Variants in SPECC1 observed in about 807,000 individuals in gnomAD.
The protein encoded by SPECC1 is sperm antigen with calponin homology and coiled-coil domains 1.
A neutral mutation model predicts 104.1 loss-of-function variants in SPECC1; 62 were observed. The observed-to-expected ratio is 0.60, with a 90% CI of 0.49 to 0.74. The LOEUF (loss-of-function observed/expected upper bound fraction) is 0.74. Among genes scored for constraint, SPECC1 ranks in the 30% least tolerant of loss-of-function variants. The probability of loss-of-function intolerance (pLI) is 0.00; values close to 1 mark genes in which losing one functional copy is unlikely to be tolerated. For synonymous variants in SPECC1, 513 were observed against 501.6 expected, an observed-to-expected ratio of 1.02 and a Z score of -0.30; for missense variants, 1,306 against 1,310.5, an observed-to-expected ratio of 1.00 and a Z score of 0.05.
At chr17:20,127,657 T>C (rs1473556803) in intron 3 of SPECC1, among the ~76,000 whole-genome samples, 2 of 152,244 alleles carry the variant, frequency 1.3e-5, no homozygotes, top group East Asian at 1.9e-4. Context: ...ATTTTTGCAT[T>C]ATCTGGGGTG....
intron 1 of SPECC1, among the ~76,000 whole-genome samples, chr17:20,091,783 T>C (rs1208757521): frequency 6.6e-6 from 1 of 152,212 alleles, no homozygotes; most frequent in Non-Finnish European, 1.5e-5. Context: ...GTGCTTATTG[T>C]GCTTGTAGCC....
chr17:20,162,968 C>T (rs151279839), intron 3 of SPECC1, among the ~76,000 whole-genome samples: 4,226 of 152,246 alleles, frequency 0.028, 187 homozygotes, highest in African/African-American at 0.095. Flanking sequence ...GCGGAGGTTG[C>T]GGTGAGCCAA....
chr17:20,311,380 T>TTGTTTG (rs201295866), intron 14 of SPECC1, among the ~76,000 whole-genome samples: 2 of 150,170 alleles, frequency 1.3e-5, no homozygotes, highest in Non-Finnish European at 3.0e-5. Context: ...TACATTTTTT[T>TTGTTTG]TTTGTTTTTG....
At chr17:20,147,106 G>A (rs1238776722) in intron 3 of SPECC1, among the ~76,000 whole-genome samples, 24 of 140,982 alleles carry the variant, frequency 1.7e-4, no homozygotes, top group Admixed American at 1.5e-3. Flanking sequence ...TTTTTGAGAC[G>A]GAGTTTCGCT....
chr17:20,057,986 G>A (rs1170834070), intron 1 of SPECC1, among the ~76,000 whole-genome samples: 1 of 152,070 alleles, frequency 6.6e-6, no homozygotes, highest in African/African-American at 2.4e-5. Flanking sequence ...AGTCAAACTC[G>A]TGGAGATTTA....
At chr17:20,070,659 G>A (rs2046514986) in intron 1 of SPECC1, among the ~76,000 whole-genome samples, 1 of 151,946 alleles carries the variant, frequency 6.6e-6, no homozygotes, top group Non-Finnish European at 1.5e-5. Context: ...TGCCATTGTT[G>A]TTGTTATAAT....
intron 12 of SPECC1, among the ~76,000 whole-genome samples, chr17:20,278,954 C>G (rs148770063): frequency 6.6e-6 from 1 of 152,186 alleles, no homozygotes; most frequent in East Asian, 1.9e-4. Context: ...GTCTTCTTTC[C>G]TCCCATGGGC....
At chr17:20,191,108 T>A (rs1468826142) in intron 3 of SPECC1, among the ~76,000 whole-genome samples, 1 of 152,202 alleles carries the variant, frequency 6.6e-6, no homozygotes, top group African/African-American at 2.4e-5. Context: ...GGGTGGATGA[T>A]ACTAATAGTC....
chr17:20,222,614 A>G (rs1598018761), intron 4 of SPECC1, among the ~76,000 whole-genome samples: 1 of 152,128 alleles, frequency 6.6e-6, no homozygotes, highest in African/African-American at 2.4e-5. Context: ...TGATAGATTC[A>G]TCTTTTAGTC....
intron 1 of SPECC1, among the ~76,000 whole-genome samples, chr17:20,039,422 T>C (rs2045230708): frequency 6.6e-6 from 1 of 152,204 alleles, no homozygotes; most frequent in African/African-American, 2.4e-5. Context: ...TTTATTCCTG[T>C]CTCTTGAAAT....
intron 1 of SPECC1, among the ~76,000 whole-genome samples, chr17:20,078,538 A>G (rs912694011): frequency 2.0e-5 from 3 of 152,216 alleles, no homozygotes; most frequent in Admixed American, 6.5e-5. Flanking sequence ...GTTCCAGCAT[A>G]GAGAGAATCA....
At chr17:20,039,554 A>T (rs979306374) in intron 1 of SPECC1, among the ~76,000 whole-genome samples, 8 of 152,082 alleles carry the variant, frequency 5.3e-5, no homozygotes, top group African/African-American at 1.9e-4. Context: ...TATTTAAAGC[A>T]GGTTTCTTTT....
At chr17:20,083,936 T>G (rs1343118098) in intron 1 of SPECC1, among the ~76,000 whole-genome samples, 1 of 152,226 alleles carries the variant, frequency 6.6e-6, no homozygotes, top group Non-Finnish European at 1.5e-5. Flanking sequence ...CTAGTAGGTG[T>G]GTAGTGATAG....
intron 1 of SPECC1, among the ~76,000 whole-genome samples, chr17:20,060,172 T>C (rs560506994): frequency 1.3e-5 from 2 of 152,346 alleles, no homozygotes; most frequent in Non-Finnish European, 2.9e-5. Context: ...CAGCTTTCAA[T>C]GACGCCTCTA....
chr17:20,155,841 G>C (rs996722076), intron 3 of SPECC1: 34 of 896,348 alleles, frequency 3.8e-5, no homozygotes, highest in Non-Finnish European at 4.4e-5. Context: ...CCCACGGCGC[G>C]GGGCCTTCTG....
chr17:20,257,886 G>GC (rs1282182397), intron 11 of SPECC1, among the ~76,000 whole-genome samples: 5 of 152,186 alleles, frequency 3.3e-5, no homozygotes, highest in Admixed American at 3.3e-4. Flanking sequence ...TGGTGTTTCT[G>GC]CCAAGGGCTC....
chr17:20,228,187 A>G (rs1183412916), intron 5 of SPECC1, among the ~76,000 whole-genome samples: 1 of 152,198 alleles, frequency 6.6e-6, no homozygotes, highest in Non-Finnish European at 1.5e-5. Context: ...TGCGAAAAAT[A>G]GAAATGCTTT....
At chr17:20,048,621 C>G (rs2045629552) in intron 1 of SPECC1, among the ~76,000 whole-genome samples, 1 of 151,870 alleles carries the variant, frequency 6.6e-6, no homozygotes, top group Admixed American at 6.6e-5. Context: ...GTAAGAATTC[C>G]CAGGGCCAGG....
chr17:20,099,394 T>A (rs1287752736), intron 2 of SPECC1, among the ~76,000 whole-genome samples: 3 of 149,978 alleles, frequency 2.0e-5, no homozygotes, highest in Non-Finnish European at 2.9e-5. Context: ...GTGTTTAAAA[T>A]AAGGCCTCGG....
Sources: allele counts gnomAD v4.1 joint callset (sites outside exome capture counted in the v4.1 genomes callset), GRCh38; gene constraint gnomAD v4.1.1; transcripts MANE v1.5; gene names NCBI Gene and HGNC (gene_info 2026-07-23, HGNC 2026-07-21).